The following BCL2L13 variants were observed in gnomAD, a reference collection of about 807,000 sequenced individuals.
The protein encoded by BCL2L13 is bcl-2-like protein 13.
A neutral mutation model predicts 25.8 loss-of-function variants in BCL2L13; 13 were observed. That is an observed-to-expected ratio of 0.50 (90% confidence interval 0.33 to 0.80). The LOEUF (loss-of-function observed/expected upper bound fraction) is 0.80, where lower values mean the gene tolerates loss of function less well. Among genes scored for constraint, BCL2L13 ranks in the 30% least tolerant of loss-of-function variants. The pLI is 0.02. For missense variants in BCL2L13, 504 were observed against 574.9 expected (o/e 0.88, Z 1.26); for synonymous variants, 244 against 230.3 (o/e 1.06, Z -0.54).
intron 1 of BCL2L13, among the ~76,000 whole-genome samples, chr22:17,645,810 G>C (rs1210971839): frequency 6.6e-6 from 1 of 151,412 alleles, no homozygotes; most frequent in Non-Finnish European, 1.5e-5. Context: ...TGTTTGGCTA[G>C]CAACCACAGT....
At chr22:17,674,421 A>G (rs1052450031) in intron 2 of BCL2L13, among the ~76,000 whole-genome samples, 4 of 152,024 alleles carry the variant, frequency 2.6e-5, no homozygotes, top group Non-Finnish European at 5.9e-5. Context: ...CCTGGCCAAC[A>G]TAGTGAAACC....
intron 6 of BCL2L13, among the ~76,000 whole-genome samples, chr22:17,723,668 C>T (rs1442191885): frequency 6.6e-6 from 1 of 152,200 alleles, no homozygotes; most frequent in Admixed American, 6.5e-5. Context: ...GGCGCGGTGT[C>T]TCACGCCTGT....
intron 6 of BCL2L13, among the ~76,000 whole-genome samples, chr22:17,719,202 CA>C (rs2061033283): frequency 2.5e-5 from 3 of 121,278 alleles, no homozygotes; most frequent in Non-Finnish European, 5.5e-5. Context: ...CACAATCCAA[CA>C]TAAAAACACA....
chr22:17,667,228 A>G (rs1357070415), intron 2 of BCL2L13, among the ~76,000 whole-genome samples: 2 of 151,862 alleles, frequency 1.3e-5, no homozygotes, highest in African/African-American at 2.4e-5. Context: ...GTGGAGTGCA[A>G]TGGCACAGTC....
chr22:17,654,646 G>A (rs995212882), intron 1 of BCL2L13, among the ~76,000 whole-genome samples: 4 of 151,520 alleles, frequency 2.6e-5, no homozygotes, highest in Non-Finnish European at 4.4e-5. Flanking sequence ...GGATGGTCTC[G>A]ATCTCCTGAC....
At chr22:17,676,830 T>C (rs1000329281) in intron 2 of BCL2L13, among the ~76,000 whole-genome samples, 1 of 152,230 alleles carries the variant, frequency 6.6e-6, no homozygotes, top group South Asian at 2.1e-4. Flanking sequence ...AGGTAGACTT[T>C]TATGCTTTAT....
Position 17,727,778 on chromosome 22 carries a change from C to G in BCL2L13, c.*244C>G, listed in dbSNP as rs922720398. The G allele has an allele frequency of 3.1e-4, 174 of 563,616 alleles. No individual in the cohort carries two copies. In the Middle Eastern group the frequency reaches 3.9e-3, roughly 13 times the overall value. 34.9% of individuals were successfully genotyped at this position (563,616 alleles called of 1,614,324 possible). ...TGAGAATCTTAGGGGTAAAGCACCC[C>G]CTCCAGGACCGGGTTTCTCAGCCTT... On this transcript the variant is annotated 3_prime_UTR_variant, in exon 7 of 7. Coordinates refer to ENST00000317582, the MANE Select transcript of BCL2L13 (RefSeq NM_015367.4).
intron 1 of BCL2L13, among the ~76,000 whole-genome samples, chr22:17,646,716 C>CTTTTTTTTTTTTTTTTT (rs10684670): frequency 1.1e-5 from 1 of 89,192 alleles, no homozygotes; most frequent in African/African-American, 4.7e-5. Flanking sequence ...AAATATCTGT[C>CTTTTTTTTTTTTTTTTT]TTTTTTTTTT....
chr22:17,664,937 G>A (rs1568945478), intron 2 of BCL2L13, among the ~76,000 whole-genome samples: 1 of 152,226 alleles, frequency 6.6e-6, no homozygotes, highest in Non-Finnish European at 1.5e-5. Context: ...ACTGTGATGG[G>A]AGGAGCTGCT....
intron 2 of BCL2L13, among the ~76,000 whole-genome samples, chr22:17,670,574 A>C (rs985363767): frequency 6.6e-6 from 1 of 151,962 alleles, no homozygotes; most frequent in Non-Finnish European, 1.5e-5. Flanking sequence ...GGGTTTCTCC[A>C]TGTTGGTCAG....
chr22:17,631,690 ATATATATATATATATATTTTTTTTTT>A (rs2058026479), intron 1 of BCL2L13, among the ~76,000 whole-genome samples: 7 of 53,874 alleles, frequency 1.3e-4, no homozygotes, highest in Admixed American at 3.0e-4. Context: ...ATATATATAT[ATATATATATATATATATTTTTTTTTT>A]TTTTTTTTTT....
At chr22:17,628,916 T>C (rs1405550820) in exon 1 of BCL2L13, 3 of 513,932 alleles carry the variant, frequency 5.8e-6, no homozygotes, top group Non-Finnish European at 1.1e-5. Flanking sequence ...GGTATTTTTT[T>C]CCTAAACTGG....
chr22:17,697,060 A>G, intron 5 of BCL2L13, among the ~76,000 whole-genome samples: 1 of 152,014 alleles, frequency 6.6e-6, no homozygotes, highest in Non-Finnish European at 1.5e-5. Context: ...ATTGATGTAT[A>G]TTAGGTACAT....
At chr22:17,642,210 G>A (rs4819617) in intron 1 of BCL2L13, among the ~76,000 whole-genome samples, 20,733 of 147,532 alleles carry the variant, frequency 0.14, 1,972 homozygotes, top group Non-Finnish European at 0.21. Context: ...CTGCAACCTC[G>A]GACTCCCAGG....
chr22:17,706,964 A>G lies in BCL2L13; in HGVS notation c.600+4578A>G, dbSNP rs1185271226. The stretch of plus-strand genomic sequence containing the variant: ...TATTTAAGTATTTTGAATAAAATTA[A>G]TCTTTGTCATTTTCTCTTGACATGA... On this transcript the variant is annotated intron_variant, in intron 6 of 6. Transcript: ENST00000317582. 4 of 595,560 alleles carry G rather than the reference A, an allele frequency of 6.7e-6. No homozygotes were observed. In the East Asian group the frequency reaches 2.7e-4, roughly 41 times the overall value. The allele number at this position is 595,560 out of a possible 1,614,324, so 36.9% of individuals were successfully genotyped here. A position where few individuals can be genotyped will look rare whatever the true frequency, so the allele number is the denominator to read the frequency against.
chr22:17,718,789 T>A (rs1475920222), intron 6 of BCL2L13, among the ~76,000 whole-genome samples: 3 of 152,196 alleles, frequency 2.0e-5, no homozygotes, highest in African/African-American at 7.2e-5. Context: ...TATCTCCCTG[T>A]TTCCTTTAGT....
rs1366521819 is a variant in BCL2L13 at position 17,730,582 on chromosome 22, A to T, written c.*3048A>T. 6.6e-6 allele frequency: 1 copy of T among 152,198 alleles called. No individual in the cohort carries two copies. Among genetic ancestry groups the T allele is most frequent in the African/African-American group, 2.4e-5 (1 of 41,446 alleles). The allele number at this position is 152,198 out of a possible 1,614,324, so 9.4% of individuals were successfully genotyped here. A position where few individuals can be genotyped will look rare whatever the true frequency, so the allele number is the denominator to read the frequency against. On this transcript the variant is annotated 3_prime_UTR_variant, in exon 7 of 7. Transcript: ENST00000317582. ...GACATTTCAGTGTTTGAATTATTTTAAGAGATGTTTTATAGAAATAAAACG... is the reference window on the plus strand; with the variant it reads ...GACATTTCAGTGTTTGAATTATTTTTAGAGATGTTTTATAGAAATAAAACG...
chr22:17,684,029 C>T (rs561263595), intron 3 of BCL2L13, among the ~76,000 whole-genome samples: 26 of 152,036 alleles, frequency 1.7e-4, no homozygotes, highest in African/African-American at 5.3e-4. Context: ...TTTCACTGGA[C>T]GACGACTACA....
chr22:17,683,273 A>G lies in BCL2L13; in HGVS notation c.181A>G (p.Thr61Ala), dbSNP rs1350151745. 1 of 1,595,380 alleles carries G rather than the reference A, an allele frequency of 6.3e-7. No individual in the cohort carries two copies. Among genetic ancestry groups the G allele is most frequent in the African/African-American group, 1.4e-5 (1 of 74,066 alleles). Reference sequence around the variant, plus strand: ...TCAAGAAATTTTATTAAAAGTTAAAACTGAAATTGAAGAAGAGCTAAAATC... The same window carrying G: ...TCAAGAAATTTTATTAAAAGTTAAAGCTGAAATTGAAGAAGAGCTAAAATC... ...LDQEILLKVK[T>A]EIEEELKSLD... The change falls in exon 3 of 7, where the codon ACT (threonine) becomes GCT (alanine). Residue 61 changes from threonine (T) to alanine (A), a missense_variant. Transcript: ENST00000317582.
Sources: gnomAD v4.1 joint callset for allele counts (sites outside exome capture counted in the v4.1 genomes callset) on GRCh38, gnomAD v4.1.1 for gene constraint, MANE v1.5 for transcripts, NCBI Gene and HGNC (gene_info 2026-07-23, HGNC 2026-07-21) for gene names.